Variants in GPR89B observed in about 807,000 individuals in gnomAD.
GPR89B encodes the protein G protein-coupled receptor 89B.
Under a neutral mutation model 52.4 loss-of-function variants are expected in GPR89B, and 25 were observed. That is an observed-to-expected ratio of 0.48 (90% CI 0.35 to 0.67). GPR89B has a LOEUF of 0.67. GPR89B is among the 30% of genes least tolerant of loss of function. The pLI, the probability that GPR89B is intolerant of heterozygous loss-of-function variation, is 0.01. For missense variants in GPR89B, 146 were observed against 450.2 expected (o/e 0.32, Z 6.11); for synonymous variants, 52 against 151.2 (o/e 0.34, Z 4.81).
downstream of GPR89B, chr1:147,995,619 C>T: frequency 6.2e-7 from 1 of 1,608,902 alleles, no homozygotes; most frequent in Non-Finnish European, 8.5e-7. Context: ...ATGTGCGAGT[C>T]ATGCTTTGAC....
chr1:148,003,021 A>G, the GPR89B span, among the ~76,000 whole-genome samples: 1 of 152,100 alleles, frequency 6.6e-6, no homozygotes, highest in Non-Finnish European at 1.5e-5. Context: ...CTTAACCTCT[A>G]TCTCCCTTCA....
chr1:148,017,343 A>G, the GPR89B span, among the ~76,000 whole-genome samples: 3 of 151,418 alleles, frequency 2.0e-5, no homozygotes, highest in East Asian at 2.0e-4. Context: ...TGCCCGGCCT[A>G]TACACAAACT....
chr1:147,971,077 T>C (rs1337026127), intron 10 of GPR89B, among the ~76,000 whole-genome samples: 1 of 151,540 alleles, frequency 6.6e-6, no homozygotes, highest in African/African-American at 2.4e-5. Context: ...CAGTGGGAGA[T>C]AATGAATGAA....
At chr1:148,012,711 A>T in the GPR89B span, among the ~76,000 whole-genome samples, 1 of 151,922 alleles carries the variant, frequency 6.6e-6, no homozygotes, top group Non-Finnish European at 1.5e-5. Flanking sequence ...ATTCCACAAT[A>T]TTCCAGGATG....
At chr1:147,994,358 T>A (rs1292360114), downstream of GPR89B, 89,880 of 1,485,568 alleles carry the variant, frequency 0.061, 3,346 homozygotes, top group Non-Finnish European at 0.068. Context: ...TGTGGGCCTG[T>A]GTATAAGAAA....
the GPR89B span, among the ~76,000 whole-genome samples, chr1:148,006,914 G>T: frequency 3.7e-4 from 56 of 149,420 alleles, no homozygotes; most frequent in African/African-American, 1.2e-3. Context: ...ATGGGGTTTC[G>T]CCATGTTGGC....
At chr1:148,010,664 A>G in the GPR89B span, 1 of 152,312 alleles carries the variant, frequency 6.6e-6, no homozygotes, top group African/African-American at 2.4e-5. Flanking sequence ...TTGAGAGGAA[A>G]GAGTTTGGGA....
chr1:147,952,087 A>G (rs1553251151), intron 5 of GPR89B, among the ~76,000 whole-genome samples: 3 of 152,104 alleles, frequency 2.0e-5, no homozygotes, highest in African/African-American at 7.3e-5. Flanking sequence ...GCAAAGGAGA[A>G]GGACAAAGGT....
the GPR89B span, chr1:148,012,328 A>G: frequency 6.8e-6 from 1 of 147,388 alleles, no homozygotes; most frequent in African/African-American, 2.6e-5. Context: ...ACGGAAAATC[A>G]TGGATTACTT....
chr1:148,017,482 C>T, the GPR89B span, among the ~76,000 whole-genome samples: 2 of 150,688 alleles, frequency 1.3e-5, no homozygotes, highest in South Asian at 4.2e-4. Flanking sequence ...TGCCTGTAAT[C>T]CCAGCACTTT....
intron 10 of GPR89B, among the ~76,000 whole-genome samples, chr1:147,983,357 A>T (rs2149090272): frequency 6.6e-6 from 1 of 152,276 alleles, no homozygotes; most frequent in East Asian, 1.9e-4. Flanking sequence ...GCTTCTGCAC[A>T]GCAAAAGAAA....
intron 10 of GPR89B, among the ~76,000 whole-genome samples, chr1:147,981,165 A>T (rs1166412073): frequency 5.4e-5 from 8 of 147,760 alleles, no homozygotes; most frequent in African/African-American, 2.0e-4. Context: ...ATGTCATAGT[A>T]TCTATCAATA....
Position 147,977,744 on chromosome 1 carries a change from A to G in GPR89B, c.909+7785A>G, listed in dbSNP as rs1306157415. 1.8e-3 allele frequency among the ~76,000 whole-genome samples: 275 copies of G among 148,878 alleles called. 3 individuals carry two copies. The highest frequency in any genetic ancestry group is 6.6e-3 in the African/African-American group (263 of 39,890). ...TCTTATTTCAGCAAGATAGTCTTCA[A>G]GCTCTGAGATTCTTTCCTCTGCTTA... On this transcript the variant is annotated intron_variant, in intron 10 of 13. Coordinates refer to ENST00000314163, the MANE Select transcript of GPR89B (RefSeq NM_016334.5).
In GPR89B at chr1:147,928,572, C is replaced by T. The variant is rs1553246493; in HGVS notation, c.36C>T (p.Thr12=). 2.5e-6 allele frequency: 4 copies of T among 1,613,918 alleles called. No homozygotes were observed. The Admixed American group carries it at 5.0e-5, about 20-fold the overall frequency. Residue 12 remains threonine, a synonymous_variant, in exon 1 of 14, where the codon ACC becomes ACT. Transcript: ENST00000314163. The stretch of plus-strand genomic sequence containing the variant: ...TGATCGACTCCAGCATCATGATTAC[C>T]TCCCAGGTGAGTCACCGCCTCCCGC... The part of the protein sequence containing the change: ...SFLIDSSIMI[T]SQILFFGFGW...
At chr1:147,985,117 C>T (rs1658569663) in intron 10 of GPR89B, among the ~76,000 whole-genome samples, 1 of 152,112 alleles carries the variant, frequency 6.6e-6, no homozygotes, top group African/African-American at 2.4e-5. Flanking sequence ...GTCAGTTTTG[C>T]TTTACGTATT....
At chr1:147,943,329 A>G (rs1654701954) in intron 3 of GPR89B, 109 bp from the exon 4 acceptor site, 2 of 1,552,208 alleles carry the variant, frequency 1.3e-6, no homozygotes, top group Admixed American at 3.7e-5. Flanking sequence ...ATTAGATAGG[A>G]TATATTCAAT....
chr1:148,012,461 T>G, the GPR89B span, among the ~76,000 whole-genome samples: 1,010 of 151,578 alleles, frequency 6.7e-3, 25 homozygotes, highest in East Asian at 0.079. Flanking sequence ...AGCTGCTTCC[T>G]CCCTATTCAG....
the GPR89B span, among the ~76,000 whole-genome samples, chr1:148,016,173 A>G: frequency 1.1e-5 from 1 of 94,732 alleles, no homozygotes; most frequent in Non-Finnish European, 2.1e-5. Flanking sequence ...CTGGATTTTC[A>G]TCTGGTATTG....
downstream of GPR89B, among the ~76,000 whole-genome samples, chr1:147,998,327 A>G (rs1168581565): frequency 7.0e-6 from 1 of 143,612 alleles, no homozygotes; most frequent in East Asian, 2.0e-4. Flanking sequence ...TACTAACCAC[A>G]AGACCACATC....
Sources: allele counts gnomAD v4.1 joint callset (sites outside exome capture counted in the v4.1 genomes callset), GRCh38; gene constraint gnomAD v4.1.1; transcripts MANE v1.5; gene names NCBI Gene and HGNC (gene_info 2026-07-23, HGNC 2026-07-21).